The following CAPN12 variants were observed in gnomAD, a reference collection of about 807,000 sequenced individuals.
CAPN12 encodes the protein calpain 12.
CAPN12 carries 107 observed loss-of-function variants against 95.0 expected under a neutral mutation model. The ratio of observed to expected loss-of-function variants is 1.13; its 90% CI spans 0.96 to 1.32. The LOEUF (loss-of-function observed/expected upper bound fraction) is 1.32, where lower values mean the gene tolerates loss of function less well. CAPN12 is among the 40% of genes most tolerant of loss of function. The probability of loss-of-function intolerance (pLI) is 0.00; values close to 1 mark genes in which losing one functional copy is unlikely to be tolerated. For synonymous variants in CAPN12, 505 were observed against 415.5 expected (o/e 1.22, Z -2.62); for missense variants, 1,136 against 997.8 (o/e 1.14, Z -1.87).
chr19:38,742,463 C>T lies in CAPN12; in HGVS notation c.373G>A (p.Val125Ile). 1.9e-6 allele frequency: 3 copies of T among 1,613,920 alleles called. No homozygotes were observed. The highest frequency in any genetic ancestry group is 2.5e-6 in the Non-Finnish European group (3 of 1,179,922). ...TGCTGGAAATCCTGTCCAGGAGGGA[C>T]CACCCGGCGCAGGAGCCGGGGATAC... ...TLYPRLLRRV[V>I]PPGQDFQHGY... Residue 125 changes from valine (V) to isoleucine (I), a missense_variant, in exon 3 of 21, where the codon GTC becomes ATC. Val to Ile is a conservative substitution (Grantham distance 29). Transcript: ENST00000328867.
chr19:38,737,987 T>TC (rs1970318656), intron 8 of CAPN12, among the ~76,000 whole-genome samples: 2 of 151,968 alleles, frequency 1.3e-5, no homozygotes, highest in African/African-American at 4.8e-5. Flanking sequence ...CACCAAGCCT[T>TC]CCTCCATTGC....
At position 38,737,200 on chromosome 19, in the gene CAPN12, C is replaced by A; in HGVS notation, c.1318G>T (p.Ala440Ser). The change falls in exon 10 of 21, where the codon GCC becomes TCC. Residue 440 changes from alanine (A) to serine (S), a missense_variant. By Grantham distance (99) the Ala-to-Ser change is moderately conservative. Coordinates refer to ENST00000328867, the MANE Select transcript of CAPN12 (RefSeq NM_144691.4). ...LIQRNRRRLR[A>S]KGLTYLTVGF... ...ACGGTGAGGTAAGTGAGGCCCTTGG[C>A]TCTCAGGCGCCGCCGGTTGCGCTGG... 1 of 1,549,698 alleles carries A rather than the reference C, an allele frequency of 6.5e-7. No individual in the cohort carries two copies. The highest frequency in any genetic ancestry group is 8.7e-7 in the Non-Finnish European group (1 of 1,147,770).
In CAPN12 at chr19:38,744,060, G is replaced by T; in HGVS notation, c.106C>A (p.Arg36=). Residue 36 remains arginine, a synonymous_variant, in exon 1 of 21, where the codon CGG becomes AGG. Coordinates refer to ENST00000328867, the MANE Select transcript of CAPN12 (RefSeq NM_144691.4). ...ATCCCCGAATCCAGGCAGGCTGCCC[G>T]AATTGCCTCATAGCTCTGGCCCCGA... ...LFRGQSYEAI[R]AACLDSGILF... 1.9e-6 allele frequency: 3 copies of T among 1,614,200 alleles called. No homozygotes were observed. The highest frequency in any genetic ancestry group is 1.1e-5 in the South Asian group (1 of 91,084).
chr19:38,742,849 T>TGAAAAAAAAAA (rs1184617880), intron 2 of CAPN12, among the ~76,000 whole-genome samples, 184 bp downstream of exon 2: 1 of 12,452 alleles, frequency 8.0e-5, no homozygotes, highest in South Asian at 7.0e-3. Flanking sequence ...AGACCCCATC[T>TGAAAAAAAAAA]CAAAAAAAAA....
At chr19:38,739,227 G>C (rs538792129) in intron 5 of CAPN12, 1 of 157,544 alleles carries the variant, frequency 6.3e-6, no homozygotes, top group African/African-American at 2.4e-5. Flanking sequence ...GAGGCGGGCA[G>C]ATCACAAGGT....
Position 38,743,089 on chromosome 19 carries a change from T to C in CAPN12, c.251A>G (p.Glu84Gly). 1.2e-6 allele frequency: 2 copies of C among 1,613,956 alleles called. No individual in the cohort carries two copies. Among genetic ancestry groups the C allele is most frequent in the Non-Finnish European group, 1.7e-6 (2 of 1,179,958 alleles). ...CATGTCTTCACAGATGAACTTCGGCTCAGCACAGAACTCCTGTGGGTGGTG... is the reference window on the plus strand; with the variant it reads ...CATGTCTTCACAGATGAACTTCGGCCCAGCACAGAACTCCTGTGGGTGGTG... The part of the protein sequence containing the change: ...KWMRPHEFCA[E>G]PKFICEDMSR... The change falls in exon 2 of 21, where the codon GAG (glutamate) becomes GGG (glycine). Residue 84 changes from glutamate to glycine, a missense_variant. Glu to Gly is a moderately conservative substitution (Grantham distance 98, BLOSUM62 -2). Transcript: ENST00000328867.
rs1363131787 is a variant in CAPN12, at chr19:38,736,183, G to C, written c.1510C>G (p.Pro504Ala). ...CLRPGHYLVV[P>A]STAHAGDEAD... ...TCGTCGCCGGCGTGGGCGGTGCTCG[G>C]CACCACCAGGTAGTGGCCTGGACGC... Residue 504 changes from proline (P) to alanine (A), a missense_variant, in exon 12 of 21, where the codon CCG (proline) becomes GCG (alanine). By Grantham distance (27) the Pro-to-Ala change is conservative. Transcript: ENST00000328867. The C allele has an allele frequency of 5.3e-6, 8 of 1,513,412 alleles. No individual in the cohort carries two copies. Among genetic ancestry groups the C allele is most frequent in the Non-Finnish European group, 6.2e-6 (7 of 1,135,110 alleles). 93.7% of individuals were successfully genotyped at this position (1,513,412 alleles called of 1,614,324 possible).
chr19:38,744,052 G>C lies in CAPN12; in HGVS notation c.114C>G (p.Ala38=). The C allele has an allele frequency of 6.2e-7, 1 of 1,614,250 alleles. No individual in the cohort carries two copies. Among genetic ancestry groups the C allele is most frequent in the Non-Finnish European group, 8.5e-7 (1 of 1,180,038 alleles). ...GGAACAGGATCCCCGAATCCAGGCA[G>C]GCTGCCCGAATTGCCTCATAGCTCT... ...RGQSYEAIRA[A]CLDSGILFRD... is the part of the protein sequence containing the mutation. Residue 38 remains alanine, a synonymous_variant, in exon 1 of 21, where the codon GCC becomes GCG. Coordinates refer to ENST00000328867, the MANE Select transcript of CAPN12 (RefSeq NM_144691.4).
chr19:38,738,657 G>T lies in CAPN12; in HGVS notation c.730-9C>A. On this transcript the variant is annotated splice_polypyrimidine_tract_variant and intron_variant, in intron 5 of 20. Coordinates refer to ENST00000328867, the MANE Select transcript of CAPN12 (RefSeq NM_144691.4). ...TACTCACCCCGATCACTCTGGGCAG[G>T]GGATGGGATGGTGAGGCCAAGGTAG... 6.2e-7 allele frequency: 1 copy of T among 1,613,776 alleles called. No individual in the cohort carries two copies. Among genetic ancestry groups the T allele is most frequent in the Non-Finnish European group, 8.5e-7 (1 of 1,179,934 alleles).
At chr19:38,736,418 C>T (rs2145200304) in intron 11 of CAPN12, 100 bp from the exon 12 acceptor site, 3 of 1,516,566 alleles carry the variant, frequency 2.0e-6, no homozygotes, top group South Asian at 2.4e-5. Context: ...CCCCTGTCCA[C>T]GCCTCCCCTG....
intron 18 of CAPN12, chr19:38,731,486 T>C: frequency 5.6e-6 from 3 of 533,254 alleles, no homozygotes; most frequent in Non-Finnish European, 1.0e-5. Context: ...CGTGACTCGA[T>C]GTGTGGGTAC....
At position 38,734,154 on chromosome 19, in the gene CAPN12, G is replaced by A. The variant is rs149682986; in HGVS notation, c.1866C>T (p.Leu622=). The A allele has an allele frequency of 3.7e-6, 6 of 1,612,990 alleles. No homozygotes were observed. The highest frequency in any genetic ancestry group is 2.2e-5 in the East Asian group (1 of 44,880). ...TCTCCCACCTCACCTGCCACTCCAG[G>A]AGGTAGCCCCAGAGCTGCTGGAAGT... The part of the protein sequence containing the change: ...LHHFQQLWGY[L]LEWQAIFNKF... Residue 622 remains leucine, a synonymous_variant, in exon 17 of 21, where the codon CTC becomes CTT. Coordinates refer to ENST00000328867, the MANE Select transcript of CAPN12 (RefSeq NM_144691.4).
rs1425406658 is a variant in CAPN12 at position 38,737,587 on chromosome 19, C to A, written c.1017G>T (p.Ser339=). 5 of 1,612,040 alleles carry A rather than the reference C, an allele frequency of 3.1e-6. No homozygotes were observed. Among genetic ancestry groups the A allele is most frequent in the East Asian group, 2.2e-5 (1 of 44,846 alleles). The change falls in exon 9 of 21, where the codon TCG becomes TCT. Residue 339 remains serine, a synonymous_variant. Transcript: ENST00000328867. ...TGGGGCCCAGCACCTCCGGGCTCAGCGAGCAGATCTGCACGGTGTCGAAAT... is the reference window on the plus strand; with the variant it reads ...TGGGGCCCAGCACCTCCGGGCTCAGAGAGCAGATCTGCACGGTGTCGAAAT... ...LLHFDTVQIC[S]LSPEVLGPSP... is the part of the protein sequence containing the mutation.
chr19:38,744,034 G>A lies in CAPN12; in HGVS notation c.132C>T (p.Ile44=), dbSNP rs111831826. 497 of 1,614,212 alleles carry A rather than the reference G, an allele frequency of 3.1e-4. 1 individual carries two copies. In the African/African-American group the frequency reaches 5.7e-3, roughly 19 times the overall value. ...CAGGGAAGTAAGGGTCGCGGAACAG[G>A]ATCCCCGAATCCAGGCAGGCTGCCC... The part of the protein sequence containing the change: ...AIRAACLDSG[I]LFRDPYFPAG... The change falls in exon 1 of 21, where the codon ATC becomes ATT. Residue 44 remains isoleucine, a synonymous_variant. Coordinates refer to ENST00000328867, the MANE Select transcript of CAPN12 (RefSeq NM_144691.4).
At position 38,744,148 on chromosome 19, in the gene CAPN12, C is replaced by G. The variant is rs759528200; in HGVS notation, c.18G>C (p.Gly6=). The G allele has an allele frequency of 1.9e-6, 3 of 1,614,040 alleles. No homozygotes were observed. Among genetic ancestry groups the G allele is most frequent in the Non-Finnish European group, 2.5e-6 (3 of 1,180,030 alleles). The change falls in exon 1 of 21, where the codon GGG becomes GGC. Residue 6 remains glycine (G), a synonymous_variant. Transcript: ENST00000328867. MASSS[G]RVTIQLVDEE... ...CATCCACGAGCTGGATGGTGACCCT[C>G]CCACTGCTGGATGCCATCTGGACAC...
intron 19 of CAPN12, 22 bp downstream of exon 19, chr19:38,731,085 A>C (rs368567172): frequency 3.5e-5 from 39 of 1,100,866 alleles, no homozygotes; most frequent in Middle Eastern, 3.7e-4. Flanking sequence ...CCCATGCCCC[A>C]CCATGCCGGG....
Position 38,737,552 on chromosome 19 carries a change from C to T in CAPN12, c.1052G>A (p.Gly351Glu), listed in dbSNP as rs1039835069. Residue 351 changes from glycine (G) to glutamate (E), a missense_variant, in exon 9 of 21, where the codon GGG (glycine) becomes GAG (glutamate). By Grantham distance (98) the Gly-to-Glu change is moderately conservative. Coordinates refer to ENST00000328867, the MANE Select transcript of CAPN12 (RefSeq NM_144691.4). ...SPEVLGPSPE[G>E]GGWHVHTFQG... is the part of the protein sequence containing the mutation. ...GAAGGTGTGGACGTGCCAGCCGCCC[C>T]CCTCCGGGCTGGGGCCCAGCACCTC... The T allele has an allele frequency of 1.9e-6, 3 of 1,612,498 alleles. No individual in the cohort carries two copies. Among genetic ancestry groups the T allele is most frequent in the African/African-American group, 2.7e-5 (2 of 75,052 alleles).
At chr19:38,742,582 G>T in intron 2 of CAPN12, 54 bp from the exon 3 acceptor site, 1 of 1,278,838 alleles carries the variant, frequency 7.8e-7, no homozygotes, top group Non-Finnish European at 1.1e-6. Flanking sequence ...GCCTGGTGCG[G>T]TGGCTCATGC....
intron 18 of CAPN12, chr19:38,733,406 G>A (rs1019581640): frequency 7.4e-6 from 3 of 407,640 alleles, no homozygotes; most frequent in Admixed American, 4.1e-5. Context: ...GACCCTCTCA[G>A]ATACCAGCTC....
Sources: allele counts gnomAD v4.1 joint callset (sites outside exome capture counted in the v4.1 genomes callset), GRCh38; gene constraint gnomAD v4.1.1; transcripts MANE v1.5; gene names NCBI Gene and HGNC (gene_info 2026-07-23, HGNC 2026-07-21).